IKZF5: variants seen among roughly 807,000 people sequenced by gnomAD.
IKZF5 encodes the protein IKAROS family zinc finger 5, also known as zinc finger protein Pegasus.
IKZF5 carries 4 observed loss-of-function variants against 30.7 expected under a neutral mutation model. The ratio of observed to expected loss-of-function variants is 0.13; its 90% CI spans 0.06 to 0.30. The LOEUF is 0.30. IKZF5 is among the 10% of genes least tolerant of loss of function. The pLI is 1.00. For synonymous variants in IKZF5, 148 were observed against 179.6 expected (o/e 0.82, Z 1.41); for missense variants, 348 against 525.5 (o/e 0.66, Z 3.30).
rs749592041 is a variant in IKZF5, at chr10:122,998,595, A to G, written c.31T>C (p.Phe11Leu). Residue 11 changes from phenylalanine (F) to leucine (L), a missense_variant, in exon 3 of 5, where the codon TTC becomes CTC. By Grantham distance (22) the Phe-to-Leu change is conservative. Around this residue, in one of 4 missense-constraint regions of IKZF5, gnomAD observed 80 missense variants for 93.2 expected, o/e 0.86. Transcript: ENST00000368886. MGEKKPEPLD[F>L]VKDFQEYLTQ... ...AGGTATTCCTGAAAATCTTTCACGA[A>G]GTCCAAAGGCTCTGGTTTTTTTTCA... 6.2e-7 allele frequency: 1 copy of G among 1,613,870 alleles called. No homozygotes were observed. Among genetic ancestry groups the G allele is most frequent in the Non-Finnish European group, 8.5e-7 (1 of 1,179,878 alleles).
intron 2 of IKZF5, among the ~76,000 whole-genome samples, chr10:123,006,202 T>C (rs2133429411): frequency 6.6e-6 from 1 of 152,264 alleles, no homozygotes; most frequent in East Asian, 1.9e-4. Context: ...TATAAGAGAA[T>C]TAAGCTTTGA....
intron 1 of IKZF5, among the ~76,000 whole-genome samples, chr10:123,008,160 T>A (rs1331996188): frequency 6.6e-6 from 1 of 152,188 alleles, no homozygotes; most frequent in East Asian, 1.9e-4. Flanking sequence ...AGGGTGCCCA[T>A]GCAGTAGAGA....
In IKZF5 at chr10:122,998,397, C is replaced by T. The variant is rs148381257; in HGVS notation, c.133+96G>A. 5.0e-3 allele frequency: 5,171 copies of T among 1,030,300 alleles called. 21 individuals are homozygous for T. Among genetic ancestry groups the T allele is most frequent in the Non-Finnish European group, 6.6e-3 (4,735 of 719,294 alleles). 63.8% of individuals were successfully genotyped at this position (1,030,300 alleles called of 1,614,324 possible). A position where few individuals can be genotyped will look rare whatever the true frequency, so the allele number is the denominator to read the frequency against. On this transcript the variant is annotated intron_variant, in intron 3 of 4. Coordinates refer to ENST00000368886, the MANE Select transcript of IKZF5 (RefSeq NM_001372123.1). ...TCTTTCTAGAAAAAACAGAATGATTCACATTAATGCGCAGTGGTCTTCACA... is the reference window on the plus strand; with the variant it reads ...TCTTTCTAGAAAAAACAGAATGATTTACATTAATGCGCAGTGGTCTTCACA...
rs762398551 is a variant in IKZF5, at chr10:122,996,146, T to A, written c.164A>T (p.Asp55Val). The A allele has an allele frequency of 3.7e-5, 59 of 1,613,760 alleles. No homozygotes were observed. The highest frequency in any genetic ancestry group is 3.6e-5 in the Non-Finnish European group (42 of 1,180,014). The change falls in exon 4 of 5, where the codon GAT becomes GTT. Residue 55 changes from aspartate (D) to valine (V), a missense_variant. Asp to Val is a radical substitution (Grantham distance 152). This residue lies in a region of IKZF5 where 80 missense variants were observed against 93.2 expected (regional missense o/e 0.86). Transcript: ENST00000368886. ...AGTDGDQNGL[D>V]HPSVEVSLDE... ...CAAGGAAACTTCAACAGATGGGTGA[T>A]CAAGTCCATTTTGATCACCATCTGT...
intron 4 of IKZF5, 56 bp downstream of exon 4, chr10:122,995,938 C>G: frequency 3.9e-6 from 6 of 1,552,388 alleles, no homozygotes; most frequent in Non-Finnish European, 5.3e-6. Context: ...AACCTGCCCC[C>G]CTTGGCCCCT....
intron 1 of IKZF5, among the ~76,000 whole-genome samples, chr10:123,008,222 T>C (rs1011215032): frequency 6.6e-6 from 1 of 152,172 alleles, no homozygotes; most frequent in African/African-American, 2.4e-5. Flanking sequence ...AACGTCCTTC[T>C]CCCAACAATC....
At chr10:123,002,244 C>T (rs990431592) in intron 2 of IKZF5, among the ~76,000 whole-genome samples, 4 of 152,090 alleles carry the variant, frequency 2.6e-5, no homozygotes, top group African/African-American at 9.7e-5. Context: ...AGTGGCCGGG[C>T]GCAGTGGCTC....
chr10:122,993,283 C>G lies in IKZF5; in HGVS notation c.*497G>C, dbSNP rs1020734362. On this transcript the variant is annotated 3_prime_UTR_variant, in exon 5 of 5. Coordinates refer to ENST00000368886, the MANE Select transcript of IKZF5 (RefSeq NM_001372123.1). ...ATCAGTTGAAATGAAACTACCGATT[C>G]AACTTAAGGAATGTGAACTAAATGA... 5.2e-5 allele frequency: 8 copies of G among 152,536 alleles called. No homozygotes were observed. Among genetic ancestry groups the G allele is most frequent in the Non-Finnish European group, 8.8e-5 (6 of 68,020 alleles). 9.4% of individuals were successfully genotyped at this position (152,536 alleles called of 1,614,324 possible). A position where few individuals can be genotyped will look rare whatever the true frequency, so the allele number is the denominator to read the frequency against.
chr10:122,994,942 T>C lies in IKZF5; in HGVS notation c.317-219A>G. 1 of 550,494 alleles carries C rather than the reference T, an allele frequency of 1.8e-6. No individual in the cohort carries two copies. The highest frequency in any genetic ancestry group is 3.2e-6 in the Non-Finnish European group (1 of 313,432). 34.1% of individuals were successfully genotyped at this position (550,494 alleles called of 1,614,324 possible). ...AGCAACAACCTGAAATATGCATTGA[T>C]GTTGTATTAGTCAATACAGTATAAA... On this transcript the variant is annotated intron_variant, in intron 4 of 4. Transcript: ENST00000368886. This position sits in a 1 kb window ranked among gnomAD's most constrained non-coding sequence, Gnocchi z 5.6.
In IKZF5 at chr10:122,992,118, T is replaced by A. The variant is rs1435537183; in HGVS notation, c.*1662A>T. 1 of 152,204 alleles carries A rather than the reference T, an allele frequency of 6.6e-6. No individual in the cohort carries two copies. Among genetic ancestry groups the A allele is most frequent in the Non-Finnish European group, 1.5e-5 (1 of 68,032 alleles). The allele number at this position is 152,204 out of a possible 1,614,324, so 9.4% of individuals were successfully genotyped here. A position where few individuals can be genotyped will look rare whatever the true frequency, so the allele number is the denominator to read the frequency against. Reference sequence around the variant, plus strand: ...AATTGTAGAATTTTAAAGTACAAGATTTGACAAAGAAGAGAGTTCCAGTTT... The same window carrying A: ...AATTGTAGAATTTTAAAGTACAAGAATTGACAAAGAAGAGAGTTCCAGTTT... On this transcript the variant is annotated 3_prime_UTR_variant, in exon 5 of 5. Coordinates refer to ENST00000368886, the MANE Select transcript of IKZF5 (RefSeq NM_001372123.1).
chr10:123,008,558 C>G (rs1849912515), intron 1 of IKZF5, 136 bp downstream of exon 1: 1 of 221,100 alleles, frequency 4.5e-6, no homozygotes, highest in Admixed American at 5.1e-5. Context: ...CCGACCACGC[C>G]CGACCCTCCA....
intron 2 of IKZF5, among the ~76,000 whole-genome samples, chr10:123,003,915 G>A (rs564523394): frequency 6.6e-6 from 1 of 152,158 alleles, no homozygotes; most frequent in Non-Finnish European, 1.5e-5. Flanking sequence ...GCTTTAGTCT[G>A]GCTCAGCTTT....
intron 2 of IKZF5, among the ~76,000 whole-genome samples, chr10:123,004,142 G>A (rs1419075855): frequency 6.6e-6 from 1 of 152,014 alleles, no homozygotes; most frequent in Admixed American, 6.5e-5. Flanking sequence ...AGACTATCAA[G>A]AATAAGATCT....
chr10:122,998,342 G>T, intron 3 of IKZF5, 151 bp downstream of exon 3: 1 of 606,566 alleles, frequency 1.6e-6, no homozygotes, highest in Non-Finnish European at 2.7e-6. Flanking sequence ...AGTCTGATAT[G>T]TTTAAAAAAG....
At position 122,996,008 on chromosome 10, in the gene IKZF5, A is replaced by T. The variant is rs748733524; in HGVS notation, c.302T>A (p.Ile101Asn). The T allele has an allele frequency of 2.7e-5, 43 of 1,613,588 alleles. No individual in the cohort carries two copies. The highest frequency in any genetic ancestry group is 3.6e-5 in the Non-Finnish European group (42 of 1,179,988). Reference sequence around the variant, plus strand: ...CTTTCCATTACCTGTGTGGATTCTGATGTGTTCAATAAGCCGGGCTGTTCC... The same window carrying T: ...CTTTCCATTACCTGTGTGGATTCTGTTGTGTTCAATAAGCCGGGCTGTTCC... ...SKGTARLIEH[I>N]RIHTGEKPHR... Residue 101 changes from isoleucine (I) to asparagine (N), a missense_variant, in exon 4 of 5, where the codon ATC becomes AAC. Physicochemically the swap from Ile to Asn is moderately radical, Grantham distance 149. Around this residue, in one of 4 missense-constraint regions of IKZF5, gnomAD observed 36 missense variants for 129.4 expected, o/e 0.28. Coordinates refer to ENST00000368886, the MANE Select transcript of IKZF5 (RefSeq NM_001372123.1).
Position 122,993,983 on chromosome 10 carries a change from G to C in IKZF5, c.1057C>G (p.Pro353Ala). The C allele has an allele frequency of 1.2e-6, 2 of 1,614,112 alleles. No homozygotes were observed. Among genetic ancestry groups the C allele is most frequent in the South Asian group, 1.1e-5 (1 of 91,082 alleles). The change falls in exon 5 of 5, where the codon CCA (proline) becomes GCA (alanine). Residue 353 changes from proline (P) to alanine (A), a missense_variant. Pro to Ala is a conservative substitution (Grantham distance 27). Around this residue, in one of 4 missense-constraint regions of IKZF5, gnomAD observed 56 missense variants for 104.7 expected, o/e 0.53. Transcript: ENST00000368886. ...TGAGGGTCCTGGACCGGCAGGGCTG[G>C]GGCTGGGGTGCTTGGCTGGCTGTTT... The part of the protein sequence containing the change: ...IGNSQPSTPA[P>A]ALPVQDPQLL...
At chr10:123,001,940 C>T (rs1849602341) in intron 2 of IKZF5, among the ~76,000 whole-genome samples, 1 of 152,228 alleles carries the variant, frequency 6.6e-6, no homozygotes, top group South Asian at 2.1e-4. Flanking sequence ...TCGAAATCTA[C>T]TGGAAATAGA....
Position 122,992,489 on chromosome 10 carries a change from G to T in IKZF5, c.*1291C>A, listed in dbSNP as rs1453977298. On this transcript the variant is annotated 3_prime_UTR_variant, in exon 5 of 5. Coordinates refer to ENST00000368886, the MANE Select transcript of IKZF5 (RefSeq NM_001372123.1). The stretch of plus-strand genomic sequence containing the variant: ...ATTGTTTGACCAAGCTCTCTTCAGA[G>T]TACGTGAGTTATTACACAATATAAA... 6.6e-6 allele frequency: 1 copy of T among 152,190 alleles called. No individual in the cohort carries two copies. The highest frequency in any genetic ancestry group is 1.5e-5 in the Non-Finnish European group (1 of 68,022). 9.4% of individuals were successfully genotyped at this position (152,190 alleles called of 1,614,324 possible). A position where few individuals can be genotyped will look rare whatever the true frequency, so the allele number is the denominator to read the frequency against.
chr10:122,991,498 G>T lies in IKZF5; in HGVS notation c.*2282C>A, dbSNP rs940376612. The T allele has an allele frequency of 6.6e-6, 1 of 152,060 alleles. No homozygotes were observed. The highest frequency in any genetic ancestry group is 2.4e-5 in the African/African-American group (1 of 41,390). 9.4% of individuals were successfully genotyped at this position (152,060 alleles called of 1,614,324 possible). ...AACAACTCATTTCTATAAAATATTT[G>T]ATTAAAAATAAAATGAGTGAAACAT... is the stretch of plus-strand genomic sequence containing the variant. On this transcript the variant is annotated 3_prime_UTR_variant, in exon 5 of 5. Coordinates refer to ENST00000368886, the MANE Select transcript of IKZF5 (RefSeq NM_001372123.1).
Sources: gnomAD v4.1 joint callset for allele counts (sites outside exome capture counted in the v4.1 genomes callset) on GRCh38, gnomAD v4.1.1 for gene constraint, gnomAD v4.1.1 regional missense constraint, Gnocchi (gnomAD v3.1) non-coding constraint, MANE v1.5 for transcripts, NCBI Gene and HGNC (gene_info 2026-07-23, HGNC 2026-07-21) for gene names.